The following FHOD3 variants were observed in gnomAD, a reference collection of about 807,000 sequenced individuals.
FHOD3 encodes the protein FH1/FH2 domain-containing protein 3.
In FHOD3, 90 loss-of-function variants were observed where a neutral mutation model predicts 173.0. That is an observed-to-expected ratio of 0.52 (90% confidence interval 0.44 to 0.62). FHOD3 has a LOEUF of 0.62. Among genes scored for constraint, FHOD3 ranks in the 20% least tolerant of loss-of-function variants. The pLI is 0.00. For synonymous variants in FHOD3, 828 were observed against 823.0 expected, an observed-to-expected ratio of 1.01 and a Z score of -0.10; for missense variants, 1,945 against 2,034.7, an observed-to-expected ratio of 0.96 and a Z score of 0.85.
At chr18:36,501,890 G>A (rs1403030325) in intron 3 of FHOD3, 42 bp from the exon 4 acceptor site, 9 of 1,343,538 alleles carry the variant, frequency 6.7e-6, no homozygotes, top group Non-Finnish European at 9.4e-6. Context: ...ACTGTCAATA[G>A]AGTCAGTTTA....
intron 3 of FHOD3, among the ~76,000 whole-genome samples, chr18:36,477,541 ACC>A (rs2145356506): frequency 9.0e-5 from 2 of 22,196 alleles, no homozygotes; most frequent in Admixed American, 1.2e-3. Flanking sequence ...CCACCCACCC[ACC>A]CACCTACCTA....
At chr18:36,351,645 G>A (rs998460808) in intron 1 of FHOD3, among the ~76,000 whole-genome samples, 1 of 152,184 alleles carries the variant, frequency 6.6e-6, no homozygotes, top group African/African-American at 2.4e-5. Flanking sequence ...GGAATGGTGA[G>A]AACAGGCCAT....
chr18:36,439,249 A>G (rs1375112725), intron 3 of FHOD3, among the ~76,000 whole-genome samples: 1 of 152,188 alleles, frequency 6.6e-6, no homozygotes. Flanking sequence ...TTCCCAAAAA[A>G]TCTTAAGCTT....
intron 20 of FHOD3, among the ~76,000 whole-genome samples, chr18:36,739,179 A>T (rs2041784594): frequency 6.6e-6 from 1 of 152,216 alleles, no homozygotes; most frequent in African/African-American, 2.4e-5. Context: ...CCAGGGCAAG[A>T]CCAAAAACTT....
At chr18:36,484,653 A>G (rs895085847) in intron 3 of FHOD3, among the ~76,000 whole-genome samples, 2 of 152,158 alleles carry the variant, frequency 1.3e-5, no homozygotes, top group Non-Finnish European at 2.9e-5. Flanking sequence ...CTTTCTCTGC[A>G]GTCGATGTTT....
chr18:36,527,583 C>T (rs1291913730), intron 5 of FHOD3, among the ~76,000 whole-genome samples: 1 of 152,170 alleles, frequency 6.6e-6, no homozygotes, highest in Non-Finnish European at 1.5e-5. Flanking sequence ...CATAGGGCCA[C>T]TGTTATCTGA....
At chr18:36,331,699 T>C (rs954571576) in intron 1 of FHOD3, among the ~76,000 whole-genome samples, 1 of 151,854 alleles carries the variant, frequency 6.6e-6, no homozygotes, top group African/African-American at 2.4e-5. Context: ...GGAAGTTCGC[T>C]GATTTAGCTG....
At chr18:36,766,342 A>G (rs1167185641) in intron 27 of FHOD3, among the ~76,000 whole-genome samples, 5 of 152,222 alleles carry the variant, frequency 3.3e-5, no homozygotes, top group African/African-American at 1.2e-4. Flanking sequence ...AAGGGGAAAA[A>G]CAAATTTCAG....
At chr18:36,627,867 C>A (rs1458674191) in intron 10 of FHOD3, among the ~76,000 whole-genome samples, 1 of 152,148 alleles carries the variant, frequency 6.6e-6, no homozygotes, top group Non-Finnish European at 1.5e-5. Context: ...TCAAGTGGCT[C>A]ATTGTGTTCT....
intron 5 of FHOD3, among the ~76,000 whole-genome samples, chr18:36,538,904 A>C (rs538213277): frequency 1.3e-5 from 2 of 152,338 alleles, no homozygotes; most frequent in African/African-American, 4.8e-5. Flanking sequence ...GGAGCTATCC[A>C]TGCACATTTT....
At chr18:36,530,727 T>A (rs2146844882) in intron 5 of FHOD3, among the ~76,000 whole-genome samples, 1 of 152,334 alleles carries the variant, frequency 6.6e-6, no homozygotes, top group Admixed American at 6.5e-5. Context: ...AGGATTTACC[T>A]AGGGGTAGAA....
chr18:36,383,750 C>T (rs949885806), intron 3 of FHOD3, among the ~76,000 whole-genome samples: 1 of 152,184 alleles, frequency 6.6e-6, no homozygotes, highest in African/African-American at 2.4e-5. Flanking sequence ...AATTACTGTT[C>T]CCACTTAATA....
At chr18:36,520,968 T>C (rs2056244334) in intron 5 of FHOD3, among the ~76,000 whole-genome samples, 1 of 152,246 alleles carries the variant, frequency 6.6e-6, no homozygotes, top group Non-Finnish European at 1.5e-5. Context: ...ACAATCGTTA[T>C]TTCCTTGGCT....
intron 1 of FHOD3, among the ~76,000 whole-genome samples, chr18:36,341,434 G>A (rs1417846855): frequency 6.6e-6 from 1 of 152,144 alleles, no homozygotes; most frequent in African/African-American, 2.4e-5. Context: ...ACTCAGTGAG[G>A]TCAGACTCAT....
chr18:36,720,735 TCTC>T (rs138482898), intron 19 of FHOD3, among the ~76,000 whole-genome samples: 1 of 148,334 alleles, frequency 6.7e-6, no homozygotes, highest in Non-Finnish European at 1.5e-5. Context: ...TCCTTCTTCT[TCTC>T]CTCCTCCTTC....
intron 3 of FHOD3, among the ~76,000 whole-genome samples, chr18:36,490,243 C>A (rs916053981): frequency 1.8e-4 from 28 of 152,166 alleles, no homozygotes; most frequent in Admixed American, 4.6e-4. Context: ...CCTTCATCAG[C>A]TGACTTGGGC....
intron 19 of FHOD3, among the ~76,000 whole-genome samples, chr18:36,729,383 T>G (rs2041238270): frequency 6.6e-6 from 1 of 152,236 alleles, no homozygotes; most frequent in South Asian, 2.1e-4. Context: ...GGGGGCCTTG[T>G]GGTCACAGCT....
chr18:36,649,431 C>G (rs1291907690), intron 11 of FHOD3, 26 bp downstream of exon 11: 33 of 1,513,238 alleles, frequency 2.2e-5, no homozygotes, highest in Non-Finnish European at 2.9e-5. Context: ...GCCTCCCAAG[C>G]TCACACTAAA....
intron 2 of FHOD3, among the ~76,000 whole-genome samples, chr18:36,361,889 C>T (rs2046643243): frequency 6.6e-6 from 1 of 152,006 alleles, no homozygotes; most frequent in Non-Finnish European, 1.5e-5. Flanking sequence ...TTCAAAGCTT[C>T]CAGGTGATTT....
Sources: allele counts gnomAD v4.1 joint callset (sites outside exome capture counted in the v4.1 genomes callset), GRCh38; gene constraint gnomAD v4.1.1; transcripts MANE v1.5; gene names NCBI Gene and HGNC (gene_info 2026-07-23, HGNC 2026-07-21).